The following SNAP91 variants were observed in gnomAD, a reference collection of about 807,000 sequenced individuals.
SNAP91 encodes synaptosome associated protein 91.
In SNAP91, 27 loss-of-function variants were observed where a neutral mutation model predicts 100.3. That is an observed-to-expected ratio of 0.27 (90% confidence interval 0.20 to 0.37). SNAP91 has a LOEUF of 0.37. SNAP91 is among the 10% of genes least tolerant of loss of function. SNAP91 has a pLI of 1.00. For missense variants in SNAP91, 986 were observed against 1,123.7 expected (o/e 0.88, Z 1.75); for synonymous variants, 404 against 398.6 (o/e 1.01, Z -0.16).
Position 83,611,138 on chromosome 6 carries a change from A to G in SNAP91, c.885-461T>C, listed in dbSNP as rs143892912. On this transcript the variant is annotated intron_variant, in intron 11 of 29. Coordinates refer to ENST00000369694, the MANE Select transcript of SNAP91 (RefSeq NM_001242792.2). ...TCACTTAGGTTAAAGTACACTGTGAAGATCCCTACAGGCCCTGTGCTGAAA... is the reference window on the plus strand; with the variant it reads ...TCACTTAGGTTAAAGTACACTGTGAGGATCCCTACAGGCCCTGTGCTGAAA... Among the ~76,000 whole-genome samples the G allele has an allele frequency of 3.1e-3, 465 of 152,228 alleles. 4 individuals are homozygous for G. The highest frequency in any genetic ancestry group is 0.011 in the African/African-American group (447 of 41,554).
In SNAP91 at chr6:83,593,223, G is replaced by C. The variant is rs2094025520; in HGVS notation, c.1733C>G (p.Pro578Arg). The change falls in exon 19 of 30, where the codon CCT becomes CGT. Residue 578 changes from proline to arginine, a missense_variant. Pro to Arg is a moderately radical substitution (Grantham distance 103). Transcript: ENST00000369694. ...FESTPEVAAA[P>R]KPDAAPSIDL... Reference sequence around the variant, plus strand: ...TATGCTAGGAGCAGCATCTGGCTTAGGCGCTGCAGCAACTTCAGGAGTGGA... The same window carrying C: ...TATGCTAGGAGCAGCATCTGGCTTACGCGCTGCAGCAACTTCAGGAGTGGA... The C allele has an allele frequency of 6.3e-7, 1 of 1,596,686 alleles. No individual in the cohort carries two copies. The highest frequency in any genetic ancestry group is 8.5e-7 in the Non-Finnish European group (1 of 1,171,164).
chr6:83,624,333 G>A (rs534809126), intron 8 of SNAP91, among the ~76,000 whole-genome samples: 26 of 152,122 alleles, frequency 1.7e-4, no homozygotes, highest in East Asian at 7.7e-4. Context: ...AAGTTCAATC[G>A]TATCATTTTT....
At chr6:83,681,091 T>G (rs2098982776) in intron 2 of SNAP91, among the ~76,000 whole-genome samples, 1 of 152,112 alleles carries the variant, frequency 6.6e-6, no homozygotes, top group Admixed American at 6.6e-5. Context: ...GTCCCTAGCT[T>G]TTGAAGGGGT....
intron 22 of SNAP91, among the ~76,000 whole-genome samples, chr6:83,582,867 C>T (rs748051284): frequency 3.3e-5 from 5 of 152,196 alleles, no homozygotes; most frequent in African/African-American, 4.8e-5. Context: ...ACCCTGCTCT[C>T]TGGATTCATG....
rs542256690 is a variant in SNAP91, at chr6:83,593,558, G to A, written c.1616C>T (p.Ala539Val). 76 of 1,555,126 alleles carry A rather than the reference G, an allele frequency of 4.9e-5. No homozygotes were observed. In the South Asian group the frequency reaches 8.8e-4, roughly 18 times the overall value. Reference protein sequence around the residue: ...VAAAAAATTAATAAATTTTTT... With the variant: ...VAAAAAATTAVTAAATTTTTT... ...GGTAGTGGTGGTGGCAGCGGCGGTG[G>A]CAGCAGTAGTGGCAGCAGCAGCAGC... The change falls in exon 18 of 30, where the codon GCC becomes GTC. Residue 539 changes from alanine (A) to valine (V), a missense_variant. Coordinates refer to ENST00000369694, the MANE Select transcript of SNAP91 (RefSeq NM_001242792.2).
intron 2 of SNAP91, chr6:83,686,013 G>A (rs2128949152): frequency 4.8e-6 from 1 of 210,214 alleles, no homozygotes. Context: ...GCTCTACAAG[G>A]AAAGCATTTT....
chr6:83,612,721 CA>C (rs1171255029), intron 11 of SNAP91, among the ~76,000 whole-genome samples: 1 of 151,254 alleles, frequency 6.6e-6, no homozygotes, highest in Non-Finnish European at 1.5e-5. Context: ...ACTAAAAATA[CA>C]AAAAAATAAA....
intron 26 of SNAP91, among the ~76,000 whole-genome samples, chr6:83,568,240 C>G (rs1183732104): frequency 1.3e-5 from 2 of 151,886 alleles, no homozygotes; most frequent in East Asian, 3.9e-4. Flanking sequence ...CAAACTGTCA[C>G]AAGGACAAAA....
intron 26 of SNAP91, among the ~76,000 whole-genome samples, chr6:83,561,343 C>G (rs1787312209): frequency 1.3e-5 from 2 of 152,128 alleles, no homozygotes; most frequent in Admixed American, 1.3e-4. Context: ...CTGTACCAAG[C>G]CGAACATAAT....
chr6:83,670,553 T>C (rs2098766810), intron 2 of SNAP91, among the ~76,000 whole-genome samples: 1 of 151,980 alleles, frequency 6.6e-6, no homozygotes, highest in East Asian at 1.9e-4. Context: ...GTCCTATTTA[T>C]GGAGGTTTTC....
intron 22 of SNAP91, among the ~76,000 whole-genome samples, chr6:83,588,556 T>C (rs1395215878): frequency 6.6e-6 from 1 of 152,224 alleles, no homozygotes; most frequent in African/African-American, 2.4e-5. Flanking sequence ...CCTGTCCATA[T>C]ACCAAGCTGT....
intron 2 of SNAP91, among the ~76,000 whole-genome samples, chr6:83,669,520 T>C (rs889698948): frequency 1.3e-5 from 2 of 151,994 alleles, no homozygotes; most frequent in Non-Finnish European, 1.5e-5. Context: ...GAATTGCACA[T>C]ATGTAAAGTG....
At chr6:83,707,260 TCA>T (rs572573261) in intron 2 of SNAP91, among the ~76,000 whole-genome samples, 4 of 150,268 alleles carry the variant, frequency 2.7e-5, no homozygotes, top group East Asian at 1.9e-4. Context: ...GTAACATACC[TCA>T]CACACACACA....
chr6:83,655,687 A>G (rs2098384834), intron 7 of SNAP91, among the ~76,000 whole-genome samples: 1 of 152,224 alleles, frequency 6.6e-6, no homozygotes, highest in African/African-American at 2.4e-5. Context: ...GTACCAAATA[A>G]TAAAGTTGAA....
intron 22 of SNAP91, among the ~76,000 whole-genome samples, chr6:83,585,003 A>C (rs1169009140): frequency 6.6e-6 from 1 of 152,180 alleles, no homozygotes; most frequent in Non-Finnish European, 1.5e-5. Context: ...GCCTAGAATA[A>C]TTAAACAGCT....
chr6:83,588,616 C>A (rs181425982), intron 22 of SNAP91, among the ~76,000 whole-genome samples: 1 of 152,200 alleles, frequency 6.6e-6, no homozygotes, highest in African/African-American at 2.4e-5. Flanking sequence ...AGGTGACAAA[C>A]CCCTTCAGGC....
chr6:83,572,725 G>C (rs12198620), intron 26 of SNAP91, among the ~76,000 whole-genome samples: 1 of 152,078 alleles, frequency 6.6e-6, no homozygotes, highest in African/African-American at 2.4e-5. Context: ...GCAACATCAC[G>C]AAAGTATAAA....
chr6:83,661,770 CT>C (rs1485235370), intron 4 of SNAP91, among the ~76,000 whole-genome samples, 166 bp from the exon 5 acceptor site: 1 of 152,120 alleles, frequency 6.6e-6, no homozygotes, highest in Non-Finnish European at 1.5e-5. Context: ...GGCAAAAATA[CT>C]TTTGCCATGA....
At chr6:83,595,617 C>T (rs2094381678) in intron 16 of SNAP91, among the ~76,000 whole-genome samples, 1 of 152,194 alleles carries the variant, frequency 6.6e-6, no homozygotes, top group Non-Finnish European at 1.5e-5. Flanking sequence ...CCAGCACCCA[C>T]CTAGAACCTG....
Sources: gnomAD v4.1 joint callset for allele counts (sites outside exome capture counted in the v4.1 genomes callset) on GRCh38, gnomAD v4.1.1 for gene constraint, MANE v1.5 for transcripts, NCBI Gene and HGNC (gene_info 2026-07-23, HGNC 2026-07-21) for gene names.